NRXN1: variants seen among roughly 807,000 people sequenced by gnomAD.
NRXN1 encodes the protein neurexin 1.
In NRXN1, 39 loss-of-function variants were observed where a neutral mutation model predicts 150.9. That is an observed-to-expected ratio of 0.26 (90% CI 0.20 to 0.34). The LOEUF (loss-of-function observed/expected upper bound fraction) is 0.34. Among genes scored for constraint, NRXN1 ranks in the 10% least tolerant of loss-of-function variants. The probability of loss-of-function intolerance (pLI) is 1.00; values close to 1 mark genes in which losing one functional copy is unlikely to be tolerated. For synonymous variants in NRXN1, 924 were observed against 757.0 expected, an observed-to-expected ratio of 1.22 and a Z score of -3.62; for missense variants, 1,815 against 1,949.9, an observed-to-expected ratio of 0.93 and a Z score of 1.30.
At chr2:50,521,872 C>T (rs2092798073) in intron 12 of NRXN1, among the ~76,000 whole-genome samples, 1 of 152,066 alleles carries the variant, frequency 6.6e-6, no homozygotes, top group South Asian at 2.1e-4. Flanking sequence ...CATCTGCCAC[C>T]AAAACTAAGA....
intron 18 of NRXN1, among the ~76,000 whole-genome samples, chr2:50,199,537 T>TACACACAC (rs67959182): frequency 0.011 from 1,671 of 149,420 alleles, 40 homozygotes; most frequent in African/African-American, 0.039. Context: ...CTCTTTCTTA[T>TACACACAC]ACACACACAC....
chr2:50,784,349 G>A (rs1170014843), intron 5 of NRXN1, among the ~76,000 whole-genome samples: 2 of 152,070 alleles, frequency 1.3e-5, no homozygotes, highest in African/African-American at 4.8e-5. Context: ...TGTGGGAGCA[G>A]AGAGAAGGGT....
intron 12 of NRXN1, among the ~76,000 whole-genome samples, chr2:50,511,113 T>A (rs2092437074): frequency 6.6e-6 from 1 of 152,014 alleles, no homozygotes. Flanking sequence ...CAGGCTAGAG[T>A]GCAGTGGTGC....
chr2:50,208,809 T>C (rs1337537857), intron 18 of NRXN1, among the ~76,000 whole-genome samples: 1 of 152,154 alleles, frequency 6.6e-6, no homozygotes, highest in African/African-American at 2.4e-5. Context: ...CAAGCTATCT[T>C]TCAAAACGTG....
At chr2:50,392,816 T>G (rs2081813475) in intron 17 of NRXN1, among the ~76,000 whole-genome samples, 1 of 151,828 alleles carries the variant, frequency 6.6e-6, no homozygotes. Flanking sequence ...TTGGCCAAGG[T>G]AGTGTATTAA....
At chr2:50,624,422 C>T (rs1680620106) in intron 5 of NRXN1, among the ~76,000 whole-genome samples, 1 of 152,004 alleles carries the variant, frequency 6.6e-6, no homozygotes, top group Non-Finnish European at 1.5e-5. Flanking sequence ...AAGATGTTTT[C>T]AACATTCTCT....
intron 8 of NRXN1, among the ~76,000 whole-genome samples, chr2:50,601,374 G>A (rs150719583): frequency 2.0e-5 from 3 of 152,302 alleles, no homozygotes; most frequent in Admixed American, 2.0e-4. Context: ...TCTTCAAGTA[G>A]TATAATACGT....
chr2:50,266,508 AT>A (rs2068894443), intron 17 of NRXN1, among the ~76,000 whole-genome samples: 2 of 147,326 alleles, frequency 1.4e-5, no homozygotes, highest in Admixed American at 6.8e-5. Flanking sequence ...TTAGTTACAT[AT>A]AAAATATATT....
intron 21 of NRXN1, among the ~76,000 whole-genome samples, chr2:50,037,161 T>C (rs952724545): frequency 6.6e-6 from 1 of 152,124 alleles, no homozygotes; most frequent in Non-Finnish European, 1.5e-5. Context: ...ATAGATGAAA[T>C]AGGTAATGAT....
intron 21 of NRXN1, among the ~76,000 whole-genome samples, chr2:49,950,743 CAG>C (rs887095049): frequency 2.6e-5 from 4 of 151,816 alleles, no homozygotes; most frequent in Non-Finnish European, 5.9e-5. Context: ...TACTGTTATT[CAG>C]AGTGTTATAG....
chr2:50,008,205 G>A (rs1685084514), intron 21 of NRXN1, among the ~76,000 whole-genome samples: 1 of 152,116 alleles, frequency 6.6e-6, no homozygotes, highest in Non-Finnish European at 1.5e-5. Flanking sequence ...TTTTCCAAGT[G>A]ACTTGGGAGT....
chr2:50,494,165 C>T (rs578113288), intron 15 of NRXN1, among the ~76,000 whole-genome samples: 19 of 152,330 alleles, frequency 1.2e-4, no homozygotes, highest in South Asian at 4.1e-4. Flanking sequence ...TTGTCTCACA[C>T]GGCTTCTCTG....
intron 18 of NRXN1, among the ~76,000 whole-genome samples, chr2:50,128,958 G>A (rs539826531): frequency 1.3e-5 from 2 of 151,422 alleles, no homozygotes; most frequent in African/African-American, 4.9e-5. Context: ...ACTCCATCAT[G>A]AGCGACAAGA....
At chr2:50,873,658 TA>T (rs548123684) in intron 5 of NRXN1, among the ~76,000 whole-genome samples, 6 of 151,974 alleles carry the variant, frequency 3.9e-5, no homozygotes, top group Non-Finnish European at 7.4e-5. Context: ...TGGCAGAATA[TA>T]CAAATTGCTT....
intron 18 of NRXN1, among the ~76,000 whole-genome samples, chr2:50,194,352 A>C (rs541996941): frequency 6.6e-6 from 1 of 152,276 alleles, no homozygotes; most frequent in Admixed American, 6.5e-5. Context: ...CATTCTCTTA[A>C]TGCTTTACTA....
At chr2:50,297,462 A>G (rs1249631626) in intron 17 of NRXN1, among the ~76,000 whole-genome samples, 3 of 152,210 alleles carry the variant, frequency 2.0e-5, no homozygotes, top group Non-Finnish European at 2.9e-5. Flanking sequence ...CATAAAGATT[A>G]TAGGTAACTT....
At chr2:50,379,731 G>A (rs1374640305) in intron 17 of NRXN1, among the ~76,000 whole-genome samples, 1 of 152,194 alleles carries the variant, frequency 6.6e-6, no homozygotes, top group East Asian at 1.9e-4. Flanking sequence ...AAAAAAGGAG[G>A]AAATCTCCAC....
At chr2:50,550,498 C>G (rs1246995290) in intron 9 of NRXN1, among the ~76,000 whole-genome samples, 1 of 151,838 alleles carries the variant, frequency 6.6e-6, no homozygotes, top group Non-Finnish European at 1.5e-5. Context: ...TATTTCAAAG[C>G]ACTACATAAG....
At chr2:50,523,476 C>T (rs1026235648) in intron 12 of NRXN1, among the ~76,000 whole-genome samples, 1 of 152,200 alleles carries the variant, frequency 6.6e-6, no homozygotes, top group Non-Finnish European at 1.5e-5. Flanking sequence ...TAACAAGCTC[C>T]AGCCCCTAGA....
Sources: gnomAD v4.1 joint callset for allele counts (sites outside exome capture counted in the v4.1 genomes callset) on GRCh38, gnomAD v4.1.1 for gene constraint, MANE v1.5 for transcripts, NCBI Gene and HGNC (gene_info 2026-07-23, HGNC 2026-07-21) for gene names.